DLC1: variants seen among roughly 807,000 people sequenced by gnomAD.
DLC1 encodes rho GTPase-activating protein 7.
In DLC1, 54 loss-of-function variants were observed where a neutral mutation model predicts 140.3. The ratio of observed to expected loss-of-function variants is 0.38; its 90% confidence interval spans 0.31 to 0.48. The LOEUF (loss-of-function observed/expected upper bound fraction) is 0.48. DLC1 is among the 20% of genes least tolerant of loss of function. The pLI is 0.96. For synonymous variants in DLC1, 986 were observed against 728.1 expected (o/e 1.35, Z -5.70); for missense variants, 2,536 against 1,907.0 (o/e 1.33, Z -6.14).
chr8:13,223,535 AAG>A (rs1335370693), intron 5 of DLC1, among the ~76,000 whole-genome samples: 1 of 152,216 alleles, frequency 6.6e-6, no homozygotes, highest in Non-Finnish European at 1.5e-5. Flanking sequence ...ATATGGTAAA[AAG>A]AGAACACATA....
chr8:13,256,580 G>T (rs1199450752), intron 5 of DLC1, among the ~76,000 whole-genome samples: 1 of 152,130 alleles, frequency 6.6e-6, no homozygotes, highest in Non-Finnish European at 1.5e-5. Context: ...GCAGGGACAT[G>T]AATGAAGCTG....
chr8:13,143,834 G>GAA (rs1380752066), intron 5 of DLC1, among the ~76,000 whole-genome samples: 1 of 151,426 alleles, frequency 6.6e-6, no homozygotes, highest in Admixed American at 6.6e-5. Flanking sequence ...GAGAGAGAGA[G>GAA]AGAGAGAGAG....
At chr8:13,175,979 C>T (rs1213556588) in intron 5 of DLC1, among the ~76,000 whole-genome samples, 1 of 152,166 alleles carries the variant, frequency 6.6e-6, no homozygotes, top group Non-Finnish European at 1.5e-5. Flanking sequence ...GTATGTAGCA[C>T]ATCTTTATTG....
chr8:13,329,614 T>C (rs1029282150), intron 4 of DLC1, among the ~76,000 whole-genome samples: 1 of 152,238 alleles, frequency 6.6e-6, no homozygotes, highest in Non-Finnish European at 1.5e-5. Context: ...GGTTTAGGGC[T>C]ATTTTAAACT....
rs76179497 is a variant in DLC1, at chr8:13,349,108, G to T, written c.1315-43806C>A. ...CAGGAGACAGGAAGTTTACTCTCTG[G>T]AGACACTAATCAGATAGGTTGTGGA... On this transcript the variant is annotated intron_variant, in intron 4 of 17. Transcript: ENST00000276297. Among the ~76,000 whole-genome samples the T allele has an allele frequency of 4.4e-3, 668 of 152,278 alleles. 3 individuals carry two copies. The highest frequency in any genetic ancestry group is 0.016 in the African/African-American group (645 of 41,552).
At chr8:13,444,599 A>G (rs553472001) in intron 2 of DLC1, among the ~76,000 whole-genome samples, 2 of 152,336 alleles carry the variant, frequency 1.3e-5, no homozygotes, top group South Asian at 4.1e-4. Flanking sequence ...CTTTAATTAT[A>G]TTTGAGACCA....
chr8:13,393,665 G>A lies in DLC1; in HGVS notation c.1202C>T (p.Ala401Val). The stretch of plus-strand genomic sequence containing the variant: ...TGTCTGATTTACTGAAATGGTATCT[G>A]CTCCACTTTCAGATCCTGATTCCAG... ...PDLESGSESG[A>V]DTISVNQTRV... is the part of the protein sequence containing the mutation. Residue 401 changes from alanine to valine, a missense_variant, in exon 4 of 18, where the codon GCA (alanine) becomes GTA (valine). Physicochemically the swap from Ala to Val is moderately conservative, Grantham distance 64. Transcript: ENST00000276297. 6.2e-7 allele frequency: 1 copy of A among 1,613,970 alleles called. No individual in the cohort carries two copies. The highest frequency in any genetic ancestry group is 8.5e-7 in the Non-Finnish European group (1 of 1,179,992).
chr8:13,371,539 A>G (rs1835729569), intron 4 of DLC1, among the ~76,000 whole-genome samples: 1 of 150,754 alleles, frequency 6.6e-6, no homozygotes, highest in Non-Finnish European at 1.5e-5. Flanking sequence ...TAGTCCTCAA[A>G]CATGCGGTGG....
intron 1 of DLC1, among the ~76,000 whole-genome samples, chr8:13,543,313 G>A (rs1166716687): frequency 6.6e-6 from 1 of 152,110 alleles, no homozygotes; most frequent in Admixed American, 6.5e-5. Context: ...TGTGATATTT[G>A]TATTGTCAGT....
intron 1 of DLC1, among the ~76,000 whole-genome samples, chr8:13,546,679 A>G (rs1803658554): frequency 2.6e-5 from 4 of 152,156 alleles, no homozygotes; most frequent in Admixed American, 2.0e-4. Context: ...CAGTCCATAG[A>G]GAGTGATGGT....
rs1207977511 is a variant in DLC1 at position 13,109,012 on chromosome 8, A to C, written c.1502+1730T>G. On this transcript the variant is annotated intron_variant, in intron 7 of 17. Coordinates refer to ENST00000276297, the MANE Select transcript of DLC1 (RefSeq NM_182643.3). Reference sequence around the variant, plus strand: ...TATCAGTCATTTAATTGGACTACAAAAGTGACAGCGTTTCTGTGGTTAAGA... The same window carrying C: ...TATCAGTCATTTAATTGGACTACAACAGTGACAGCGTTTCTGTGGTTAAGA... Among the ~76,000 whole-genome samples, 3 of 152,188 alleles carry C rather than the reference A, an allele frequency of 2.0e-5. No individual in the cohort carries two copies. In the East Asian group the frequency reaches 5.8e-4, roughly 29 times the overall value.
chr8:13,126,162 C>T (rs906885317), intron 5 of DLC1, among the ~76,000 whole-genome samples: 2 of 152,178 alleles, frequency 1.3e-5, no homozygotes, highest in African/African-American at 4.8e-5. Flanking sequence ...TAGGCTTGTG[C>T]GGATCCAGTT....
intron 6 of DLC1, among the ~76,000 whole-genome samples, chr8:13,113,379 C>T (rs549860863): frequency 7.9e-5 from 12 of 152,270 alleles, no homozygotes; most frequent in African/African-American, 2.2e-4. Context: ...CAGAACAATA[C>T]GCAGTGTACC....
chr8:13,181,621 A>G (rs1240395519), intron 5 of DLC1, among the ~76,000 whole-genome samples: 4 of 151,952 alleles, frequency 2.6e-5, no homozygotes, highest in Non-Finnish European at 5.9e-5. Flanking sequence ...TTTGCTGAGA[A>G]TGATGGTTTA....
At chr8:13,582,263 C>A (rs149365785) in intron 1 of DLC1, among the ~76,000 whole-genome samples, 1 of 152,178 alleles carries the variant, frequency 6.6e-6, no homozygotes. Flanking sequence ...TGCATACACT[C>A]TCTTCAAGAA....
chr8:13,587,263 T>G lies in DLC1; in HGVS notation c.-126+17274A>C, dbSNP rs560408984. On this transcript the variant is annotated intron_variant, in intron 1 of 1. Transcript: ENST00000631382. ...AGTGATTATTCTGTCTTTTAAAGGG[T>G]GTGCTTTTAGTGTAACCATAGCCAA... 4.4e-4 allele frequency among the ~76,000 whole-genome samples: 67 copies of G among 151,300 alleles called. No individual in the cohort carries two copies. In the South Asian group the frequency reaches 0.013, roughly 30 times the overall value.
At chr8:13,538,368 T>A (rs1225481168) in intron 1 of DLC1, among the ~76,000 whole-genome samples, 3 of 144,054 alleles carry the variant, frequency 2.1e-5, no homozygotes, top group African/African-American at 5.0e-5. Flanking sequence ...GCACTGAGTA[T>A]AAAAAAAAAA....
At chr8:13,349,661 A>G (rs1834544518) in intron 4 of DLC1, among the ~76,000 whole-genome samples, 1 of 152,212 alleles carries the variant, frequency 6.6e-6, no homozygotes, top group Non-Finnish European at 1.5e-5. Flanking sequence ...CCAGGTATAT[A>G]AGGAAAGTCC....
intron 4 of DLC1, among the ~76,000 whole-genome samples, chr8:13,307,925 T>A (rs1832518294): frequency 6.6e-6 from 1 of 152,182 alleles, no homozygotes; most frequent in Non-Finnish European, 1.5e-5. Context: ...TTTGGATTGG[T>A]CTTATGATAA....
Sources: gnomAD v4.1 joint callset for allele counts (sites outside exome capture counted in the v4.1 genomes callset) on GRCh38, gnomAD v4.1.1 for gene constraint, MANE v1.5 for transcripts, NCBI Gene and HGNC (gene_info 2026-07-23, HGNC 2026-07-21) for gene names.